NICOL1: variants seen among roughly 807,000 people sequenced by gnomAD.
The protein encoded by NICOL1 is NELL2-interacting cell ontogeny regulator 1.
At chr4:2,042,276 A>G in the NICOL1 span, 2 of 828,086 alleles carry the variant, frequency 2.4e-6, no homozygotes, top group South Asian at 2.8e-5. Context: ...ACGGGGGCTC[A>G]CCGGCCCGGG....
the NICOL1 span, chr4:2,042,830 C>T: frequency 9.5e-6 from 14 of 1,477,232 alleles, no homozygotes; most frequent in East Asian, 1.1e-4. Context: ...CGCGGGTGAG[C>T]GCCCGCGGCG....
chr4:2,041,893 C>A, the NICOL1 span: 7 of 1,267,796 alleles, frequency 5.5e-6, no homozygotes, highest in Non-Finnish European at 7.2e-6. Flanking sequence ...CACCCGATTC[C>A]TGGAGCGTCC....
chr4:2,041,836 G>A, the NICOL1 span: 1 of 729,834 alleles, frequency 1.4e-6, no homozygotes, highest in South Asian at 2.4e-5. Flanking sequence ...CATCCGCCAT[G>A]GGCCTGGACG....
chr4:2,041,897 A>T, the NICOL1 span: 1 of 1,273,330 alleles, frequency 7.9e-7, no homozygotes, highest in Non-Finnish European at 1.0e-6. Context: ...CGATTCCTGG[A>T]GCGTCCTAGG....
At chr4:2,042,355 G>C in the NICOL1 span, 1 of 509,908 alleles carries the variant, frequency 2.0e-6, no homozygotes, top group Non-Finnish European at 3.4e-6. Context: ...GCTGGCCATG[G>C]CCCCCCCGCC....
chr4:2,042,457 C>T, the NICOL1 span: 1 of 426,774 alleles, frequency 2.3e-6, no homozygotes, highest in Non-Finnish European at 4.0e-6. Flanking sequence ...CCGCGCCGAG[C>T]CCGCCGGGAG....
the NICOL1 span, among the ~76,000 whole-genome samples, chr4:2,039,596 A>T: frequency 1.8e-3 from 280 of 152,234 alleles, 1 homozygote; most frequent in South Asian, 2.7e-3. Flanking sequence ...GCACTTTGGG[A>T]GGCAGAGGCA....
At chr4:2,042,520 GGGGCTGGCGACAGGGGCGTGCGGGGCC>G in the NICOL1 span, 4 of 422,100 alleles carry the variant, frequency 9.5e-6, no homozygotes, top group Non-Finnish European at 1.7e-5. Context: ...GGAGCGGGGC[GGGGCTGGCGACAGGGGCGTGCGGGGCC>G]GGGGCTCTGC....
chr4:2,037,155 T>C, the NICOL1 span, among the ~76,000 whole-genome samples: 1 of 152,184 alleles, frequency 6.6e-6, no homozygotes, highest in Non-Finnish European at 1.5e-5. Flanking sequence ...AGAAGGTGCT[T>C]GCTTGCCCTT....
chr4:2,040,886 C>A, the NICOL1 span, among the ~76,000 whole-genome samples: 1 of 150,732 alleles, frequency 6.6e-6, no homozygotes, highest in African/African-American at 2.4e-5. Context: ...CGCGTCCGGC[C>A]GGGGCAGGGG....
chr4:2,037,980 T>C, the NICOL1 span, among the ~76,000 whole-genome samples: 6 of 151,524 alleles, frequency 4.0e-5, no homozygotes, highest in East Asian at 7.7e-4. Flanking sequence ...TTTGCCCTTA[T>C]ATTGCAAGTT....
chr4:2,042,701 T>G, the NICOL1 span: 3 of 854,620 alleles, frequency 3.5e-6, no homozygotes, highest in Non-Finnish European at 5.4e-6. Flanking sequence ...TGACCCCCCC[T>G]GCGCCCCCTC....
the NICOL1 span, among the ~76,000 whole-genome samples, chr4:2,037,431 C>A: frequency 6.6e-6 from 1 of 152,134 alleles, no homozygotes; most frequent in Admixed American, 6.5e-5. Flanking sequence ...AAGGAAGAAT[C>A]ACAGTAAAAT....
the NICOL1 span, among the ~76,000 whole-genome samples, chr4:2,037,910 G>A: frequency 6.6e-6 from 1 of 151,190 alleles, no homozygotes; most frequent in Non-Finnish European, 1.5e-5. Context: ...TGATACATAA[G>A]TTTTCAGCAT....
chr4:2,042,430 C>T, the NICOL1 span: 24 of 460,236 alleles, frequency 5.2e-5, no homozygotes, highest in Non-Finnish European at 7.9e-5. Context: ...GAGTCTGGCG[C>T]TGCTGGGCGC....
At chr4:2,043,927 G>C in the NICOL1 span, 1 of 1,547,522 alleles carries the variant, frequency 6.5e-7, no homozygotes, top group Admixed American at 2.0e-5. Flanking sequence ...GGGGCACTGA[G>C]GACCACGCTG....
the NICOL1 span, among the ~76,000 whole-genome samples, chr4:2,039,336 C>T: frequency 2.1e-4 from 32 of 151,630 alleles, no homozygotes; most frequent in South Asian, 6.7e-3. Context: ...ATCGCTTGAA[C>T]CCAGGAGGCA....
At chr4:2,043,202 C>A in the NICOL1 span, among the ~76,000 whole-genome samples, 1 of 152,188 alleles carries the variant, frequency 6.6e-6, no homozygotes, top group African/African-American at 2.4e-5. Context: ...AAACTGAGGC[C>A]GGAGGATGTG....
At chr4:2,040,912 G>T in the NICOL1 span, among the ~76,000 whole-genome samples, 1 of 142,548 alleles carries the variant, frequency 7.0e-6, no homozygotes, top group Non-Finnish European at 1.5e-5. Flanking sequence ...CTGACCACGC[G>T]AGAAGCAGGT....
Sources: allele counts gnomAD v4.1 joint callset (sites outside exome capture counted in the v4.1 genomes callset), GRCh38; gene constraint gnomAD v4.1.1; transcripts MANE v1.5; gene names NCBI Gene and HGNC (gene_info 2026-07-23, HGNC 2026-07-21).